The following PTPN11 variants were observed in gnomAD, a reference collection of about 807,000 sequenced individuals.
PTPN11 encodes protein tyrosine phosphatase non-receptor type 11, also known as tyrosine-protein phosphatase non-receptor type 11.
In PTPN11, 6 loss-of-function variants were observed where a neutral mutation model predicts 78.8. The observed-to-expected ratio is 0.08, with a 90% confidence interval of 0.04 to 0.15. The LOEUF is 0.15. Ranked by LOEUF, PTPN11 falls within the 10% of genes least tolerant of loss-of-function variation. The pLI, the probability that PTPN11 is intolerant of heterozygous loss-of-function variation, is 1.00. For synonymous variants in PTPN11, 221 were observed against 263.5 expected, an observed-to-expected ratio of 0.84 and a Z score of 1.56; for missense variants, 386 against 744.8, an observed-to-expected ratio of 0.52 and a Z score of 5.61.
At chr12:112,454,543 G>A (rs1199010039) in intron 4 of PTPN11, 21 bp from the exon 5 acceptor site, 2 of 1,530,440 alleles carry the variant, frequency 1.3e-6, no homozygotes, top group African/African-American at 2.7e-5. Flanking sequence ...AATAATAAAT[G>A]TCATGTGTTT....
At chr12:112,429,225 A>G (rs2037672327) in intron 1 of PTPN11, among the ~76,000 whole-genome samples, 1 of 152,202 alleles carries the variant, frequency 6.6e-6, no homozygotes, top group African/African-American at 2.4e-5. Context: ...TGTTAATAAT[A>G]GTGAAAACTA....
chr12:112,472,195 C>G (rs1416849873), intron 6 of PTPN11, among the ~76,000 whole-genome samples: 2 of 152,048 alleles, frequency 1.3e-5, no homozygotes, highest in Admixed American at 6.6e-5. Flanking sequence ...ATTTTGTTGC[C>G]CAGGCTGGTC....
intron 13 of PTPN11, among the ~76,000 whole-genome samples, chr12:112,490,031 A>G (rs1168702367): frequency 2.0e-5 from 3 of 152,216 alleles, no homozygotes; most frequent in African/African-American, 7.2e-5. Context: ...CCGCACAGAC[A>G]TACGGGATTG....
chr12:112,476,801 C>G (rs1205285918), intron 7 of PTPN11, among the ~76,000 whole-genome samples: 3 of 151,986 alleles, frequency 2.0e-5, no homozygotes, highest in African/African-American at 7.2e-5. Flanking sequence ...ACAACAACAA[C>G]AACAAAAACC....
chr12:112,502,368 C>T, intron 14 of PTPN11, 112 bp downstream of exon 14: 5 of 853,164 alleles, frequency 5.9e-6, no homozygotes, highest in Non-Finnish European at 1.0e-5. Context: ...TTCACTGGTG[C>T]ACGTTCCTGT....
At chr12:112,447,521 T>C (rs2038012213) in intron 2 of PTPN11, among the ~76,000 whole-genome samples, 1 of 151,888 alleles carries the variant, frequency 6.6e-6, no homozygotes, top group Admixed American at 6.6e-5. Context: ...TTTTTTGAGA[T>C]GGAGTTTCAG....
rs1054802954 is a variant in PTPN11 at position 112,486,553 on chromosome 12, G to A, written c.1303G>A (p.Val435Met). ...DHGVPSDPGG[V>M]LDFLEEVHHK... ...CGGCGTGCCCAGCGACCCTGGGGGC[G>A]TGCTGGACTTCCTGGAGGAGGTGCA... The change falls in exon 11 of 16, where the codon GTG (valine) becomes ATG (methionine). Residue 435 changes from valine (V) to methionine (M), a missense_variant. This residue lies in a region of PTPN11 where 63 missense variants were observed against 182.2 expected (regional missense o/e 0.35). Coordinates refer to ENST00000351677, the MANE Select transcript of PTPN11 (RefSeq NM_002834.5). The A allele has an allele frequency of 3.7e-6, 6 of 1,614,190 alleles. No individual in the cohort carries two copies. Among genetic ancestry groups the A allele is most frequent in the Non-Finnish European group, 4.2e-6 (5 of 1,180,040 alleles).
At chr12:112,433,378 A>G (rs1157120076) in intron 1 of PTPN11, among the ~76,000 whole-genome samples, 3 of 152,224 alleles carry the variant, frequency 2.0e-5, no homozygotes. Context: ...AGTACGCTCC[A>G]TGATGTTACC....
intron 1 of PTPN11, among the ~76,000 whole-genome samples, chr12:112,422,041 C>T (rs1457373280): frequency 6.6e-6 from 1 of 152,000 alleles, no homozygotes; most frequent in Non-Finnish European, 1.5e-5. Flanking sequence ...AGAGAGCAGA[C>T]AAACACATGA....
intron 1 of PTPN11, among the ~76,000 whole-genome samples, chr12:112,445,639 CTTTT>C (rs531888743): frequency 7.2e-6 from 1 of 138,950 alleles, no homozygotes; most frequent in Non-Finnish European, 1.6e-5. Context: ...GAAACTTATT[CTTTT>C]TTTTTTTTTT....
chr12:112,486,928 G>T, intron 11 of PTPN11: 1 of 1,358,562 alleles, frequency 7.4e-7, no homozygotes, highest in East Asian at 2.9e-5. Flanking sequence ...TCCTGGCTCT[G>T]CAGTTTCTCC....
chr12:112,444,071 G>T (rs550027523), intron 1 of PTPN11, among the ~76,000 whole-genome samples: 1 of 152,116 alleles, frequency 6.6e-6, no homozygotes, highest in Non-Finnish European at 1.5e-5. Flanking sequence ...GATTATAGGC[G>T]TGAACCACTG....
intron 6 of PTPN11, among the ~76,000 whole-genome samples, chr12:112,462,313 G>A (rs578136398): frequency 1.3e-5 from 2 of 152,020 alleles, no homozygotes; most frequent in East Asian, 3.9e-4. Context: ...AGATACGATT[G>A]TGACACTGTA....
intron 1 of PTPN11, among the ~76,000 whole-genome samples, chr12:112,443,746 G>A (rs1162333259): frequency 6.6e-6 from 1 of 150,400 alleles, no homozygotes; most frequent in Non-Finnish European, 1.5e-5. Context: ...TGGACCTCCT[G>A]GGCTCAGGCG....
chr12:112,491,272 GAA>G (rs59219665), intron 13 of PTPN11, among the ~76,000 whole-genome samples: 5 of 118,710 alleles, frequency 4.2e-5, no homozygotes, highest in Non-Finnish European at 5.4e-5. Context: ...CTACAGTAGT[GAA>G]AAAAAAAAAA....
chr12:112,475,244 C>T (rs1244250020), intron 7 of PTPN11, among the ~76,000 whole-genome samples: 1 of 152,030 alleles, frequency 6.6e-6, no homozygotes, highest in African/African-American at 2.4e-5. Context: ...CTTAGCACCA[C>T]TCTAATGCAT....
In PTPN11 at chr12:112,504,607, A is replaced by G. The variant is rs1025576377; in HGVS notation, c.1713-88A>G. The G allele has an allele frequency of 4.1e-5, 40 of 974,318 alleles. No individual in the cohort carries two copies. The highest frequency in any genetic ancestry group is 6.4e-5 in the Non-Finnish European group (40 of 622,312). 60.4% of individuals were successfully genotyped at this position (974,318 alleles called of 1,614,324 possible). On this transcript the variant is annotated intron_variant, in intron 14 of 15. Transcript: ENST00000351677. This position sits in a 1 kb window ranked among gnomAD's most constrained non-coding sequence, Gnocchi z 4.7. ...CTGTACCATATCTGGTGCCCAAAGAATGTAGTATGTGTTTTATAGATATCA... is the reference window on the plus strand; with the variant it reads ...CTGTACCATATCTGGTGCCCAAAGAGTGTAGTATGTGTTTTATAGATATCA...
At chr12:112,463,739 A>T (rs571759777) in intron 6 of PTPN11, among the ~76,000 whole-genome samples, 36 of 152,318 alleles carry the variant, frequency 2.4e-4, no homozygotes, top group Non-Finnish European at 4.6e-4. Context: ...CAGGCTCTCC[A>T]CAGAGGTCAG....
chr12:112,472,919 A>G lies in PTPN11; in HGVS notation c.757-25A>G, dbSNP rs200165689. On this transcript the variant is annotated intron_variant, in intron 6 of 15. Transcript: ENST00000351677. ...TTTCTGTGACTCTTTGACACGTAAT[A>G]ATATTGACTTTTCTTTCTTTCCAGA... The G allele has an allele frequency of 7.2e-4, 1,116 of 1,541,154 alleles. 1 individual carries two copies. Among genetic ancestry groups the G allele is most frequent in the Non-Finnish European group, 9.3e-4 (1,033 of 1,114,094 alleles).
Sources: allele counts gnomAD v4.1 joint callset (sites outside exome capture counted in the v4.1 genomes callset), GRCh38; gene constraint gnomAD v4.1.1; regional missense constraint gnomAD v4.1.1; non-coding constraint Gnocchi (gnomAD v3.1); transcripts MANE v1.5; gene names NCBI Gene and HGNC (gene_info 2026-07-23, HGNC 2026-07-21).